The following MGMT variants were observed in gnomAD, a reference collection of about 807,000 sequenced individuals.
The protein encoded by MGMT is methylated-DNA--protein-cysteine methyltransferase.
MGMT carries 14 observed loss-of-function variants against 15.9 expected under a neutral mutation model. That is an observed-to-expected ratio of 0.88 (90% CI 0.58 to 1.37). MGMT has a LOEUF of 1.37. Among genes scored for constraint, MGMT ranks in the 40% most tolerant of loss-of-function variants. MGMT has a pLI of 0.00. For missense variants in MGMT, 282 were observed against 268.1 expected (o/e 1.05, Z -0.36); for synonymous variants, 130 against 118.2 (o/e 1.10, Z -0.65).
chr10:129,539,566 G>A (rs1253727515), intron 2 of MGMT, among the ~76,000 whole-genome samples: 1 of 152,004 alleles, frequency 6.6e-6, no homozygotes, highest in African/African-American at 2.4e-5. Context: ...GAGTGCAGTG[G>A]TGTGATCTCG....
intron 2 of MGMT, among the ~76,000 whole-genome samples, chr10:129,686,718 G>A (rs1226960994): frequency 5.3e-5 from 8 of 152,178 alleles, no homozygotes; most frequent in Admixed American, 2.6e-4. Context: ...ACCTGTCCTG[G>A]ACGGTATTTC....
At chr10:129,674,480 C>A (rs1178768994) in intron 2 of MGMT, among the ~76,000 whole-genome samples, 4 of 152,214 alleles carry the variant, frequency 2.6e-5, no homozygotes, top group African/African-American at 9.6e-5. Context: ...TGGACTCTTG[C>A]TCCTTCCTGA....
chr10:129,536,534 A>G, intron 2 of MGMT, 157 bp downstream of exon 2: 1 of 867,348 alleles, frequency 1.2e-6, no homozygotes, highest in Non-Finnish European at 1.7e-6. Context: ...GTGTGCTGCG[A>G]CGGCTCCTGC....
chr10:129,633,234 TATC>T (rs1847230666), intron 2 of MGMT, among the ~76,000 whole-genome samples: 1 of 152,220 alleles, frequency 6.6e-6, no homozygotes, highest in Non-Finnish European at 1.5e-5. Flanking sequence ...CAGCTTCTCT[TATC>T]ATGGTGGAAA....
intron 3 of MGMT, among the ~76,000 whole-genome samples, chr10:129,743,200 C>T (rs1848658050): frequency 6.6e-6 from 1 of 152,178 alleles, no homozygotes; most frequent in African/African-American, 2.4e-5. Context: ...AGACCCAGGC[C>T]CACCTGTCAC....
intron 1 of MGMT, among the ~76,000 whole-genome samples, chr10:129,516,807 T>C (rs1240038868): frequency 6.6e-6 from 1 of 152,210 alleles, no homozygotes; most frequent in Non-Finnish European, 1.5e-5. Flanking sequence ...TCCTTCCCTT[T>C]GGAAACTCAG....
chr10:129,766,763 C>G, intron 4 of MGMT, 25 bp from the exon 5 acceptor site: 2 of 1,601,198 alleles, frequency 1.2e-6, no homozygotes, highest in Non-Finnish European at 1.7e-6. Context: ...CCCTGACTGA[C>G]AGTGGCTGCC....
intron 2 of MGMT, among the ~76,000 whole-genome samples, chr10:129,574,657 C>T (rs1040749478): frequency 5.3e-5 from 8 of 152,220 alleles, no homozygotes; most frequent in African/African-American, 1.9e-4. Context: ...TTGTCCTGTA[C>T]GTCTAACTTC....
At position 129,566,948 on chromosome 10, in the gene MGMT, A is replaced by T. The variant is rs1437578133; in HGVS notation, c.125+30571A>T. On this transcript the variant is annotated intron_variant, in intron 2 of 4. Coordinates refer to ENST00000651593, the MANE Select transcript of MGMT (RefSeq NM_002412.5). The surrounding 1 kb of genome is among the most constrained non-coding windows in gnomAD (Gnocchi z 4.1). ...TGGAGATCAATACCCAGGAGGTGCCATCTCTCTTGGCGGGTGACACGTAAC... is the reference window on the plus strand; with the variant it reads ...TGGAGATCAATACCCAGGAGGTGCCTTCTCTCTTGGCGGGTGACACGTAAC... Among the ~76,000 whole-genome samples, 1 of 152,088 alleles carries T rather than the reference A, an allele frequency of 6.6e-6. No homozygotes were observed. The highest frequency in any genetic ancestry group is 2.4e-5 in the African/African-American group (1 of 41,416).
At chr10:129,543,729 TTG>T (rs1390819068) in intron 2 of MGMT, among the ~76,000 whole-genome samples, 1 of 152,222 alleles carries the variant, frequency 6.6e-6, no homozygotes, top group Non-Finnish European at 1.5e-5. Context: ...TCTGTCAATT[TTG>T]TAACTGTGTT....
chr10:129,567,988 C>T (rs1354639333), intron 2 of MGMT, among the ~76,000 whole-genome samples: 2 of 152,144 alleles, frequency 1.3e-5, no homozygotes, highest in African/African-American at 2.4e-5. Context: ...CTGTTCCCAT[C>T]GTAGCTTTTA....
intron 1 of MGMT, among the ~76,000 whole-genome samples, chr10:129,493,870 A>G (rs528480056): frequency 1.3e-5 from 2 of 152,334 alleles, no homozygotes; most frequent in East Asian, 3.9e-4. Flanking sequence ...TCTTATACGC[A>G]TAGACATCAC....
intron 3 of MGMT, among the ~76,000 whole-genome samples, chr10:129,743,968 G>A (rs1452124774): frequency 6.6e-6 from 1 of 152,214 alleles, no homozygotes; most frequent in Non-Finnish European, 1.5e-5. Flanking sequence ...GCCATGCCTG[G>A]CTGGGATGGG....
chr10:129,518,694 A>G (rs1426329625), intron 1 of MGMT, among the ~76,000 whole-genome samples: 2 of 145,244 alleles, frequency 1.4e-5, no homozygotes, highest in African/African-American at 5.2e-5. Context: ...TTTCTAGTTT[A>G]TTTTACTGTA....
intron 2 of MGMT, among the ~76,000 whole-genome samples, chr10:129,704,555 G>A (rs1427528010): frequency 3.3e-5 from 5 of 152,258 alleles, no homozygotes; most frequent in African/African-American, 1.2e-4. Flanking sequence ...CGGGGTCAGC[G>A]TAATTTAGCC....
intron 2 of MGMT, among the ~76,000 whole-genome samples, chr10:129,644,404 T>C (rs1847362037): frequency 6.6e-6 from 1 of 152,164 alleles, no homozygotes; most frequent in African/African-American, 2.4e-5. Flanking sequence ...TCCCCTAGGC[T>C]GGCGTCGGGG....
intron 2 of MGMT, among the ~76,000 whole-genome samples, chr10:129,618,325 G>T (rs1198875580): frequency 6.6e-6 from 1 of 152,090 alleles, no homozygotes; most frequent in Non-Finnish European, 1.5e-5. Context: ...AAATGACCAT[G>T]TATGCACAGC....
chr10:129,475,443 C>T (rs1762429), intron 1 of MGMT, among the ~76,000 whole-genome samples: 75,890 of 151,972 alleles, frequency 0.5, 21,441 homozygotes, highest in South Asian at 0.65. Context: ...AGGCCTTTAA[C>T]GCTCGAGGGG....
At chr10:129,627,592 G>C (rs1302867341) in intron 2 of MGMT, among the ~76,000 whole-genome samples, 1 of 152,108 alleles carries the variant, frequency 6.6e-6, no homozygotes, top group Non-Finnish European at 1.5e-5. Flanking sequence ...TGTGCACTGA[G>C]GGTCCTCACC....
Sources: gnomAD v4.1 joint callset for allele counts (sites outside exome capture counted in the v4.1 genomes callset) on GRCh38, gnomAD v4.1.1 for gene constraint, Gnocchi (gnomAD v3.1) non-coding constraint, MANE v1.5 for transcripts, NCBI Gene and HGNC (gene_info 2026-07-23, HGNC 2026-07-21) for gene names.